The following LOC128462377 variants were observed in gnomAD, a reference collection of about 807,000 sequenced individuals.
At chr16:89,361,240 C>T in the LOC128462377 span, among the ~76,000 whole-genome samples, 4 of 152,218 alleles carry the variant, frequency 2.6e-5, no homozygotes, top group Non-Finnish European at 5.9e-5. Flanking sequence ...CCTTCTTCCT[C>T]CCGCAGAGGG....
the LOC128462377 span, chr16:89,320,231 T>C: frequency 6.6e-6 from 1 of 152,244 alleles, no homozygotes; most frequent in African/African-American, 2.4e-5. Flanking sequence ...CTCATCACGA[T>C]GCTGCACAGC....
At chr16:89,360,981 C>G in the LOC128462377 span, among the ~76,000 whole-genome samples, 49 of 152,320 alleles carry the variant, frequency 3.2e-4, no homozygotes, top group South Asian at 1.0e-2. Context: ...CCTTGTCTCT[C>G]ACATCCAGAT....
At chr16:89,352,029 G>C in the LOC128462377 span, among the ~76,000 whole-genome samples, 1 of 152,080 alleles carries the variant, frequency 6.6e-6, no homozygotes, top group African/African-American at 2.4e-5. Context: ...TCACGCCTCC[G>C]CTGAAATGAC....
At chr16:89,406,369 C>T in the LOC128462377 span, among the ~76,000 whole-genome samples, 83 of 152,162 alleles carry the variant, frequency 5.5e-4, no homozygotes, top group Non-Finnish European at 1.0e-3. Flanking sequence ...GCCTCGGCCA[C>T]ACTCCTGAGG....
At chr16:89,335,467 C>T in the LOC128462377 span, among the ~76,000 whole-genome samples, 932 of 152,308 alleles carry the variant, frequency 6.1e-3, 15 homozygotes, top group African/African-American at 0.021. Flanking sequence ...CCACCTAGCA[C>T]GCAGTACGCA....
chr16:89,344,243 G>T, the LOC128462377 span, among the ~76,000 whole-genome samples: 9 of 152,288 alleles, frequency 5.9e-5, no homozygotes, highest in East Asian at 1.7e-3. Flanking sequence ...CATCTGCACG[G>T]TGCTTTACTT....
chr16:89,354,840 T>C, the LOC128462377 span, among the ~76,000 whole-genome samples: 2 of 151,234 alleles, frequency 1.3e-5, no homozygotes, highest in Admixed American at 6.6e-5. Flanking sequence ...TGAGCCGAGA[T>C]CACACCTCTG....
At chr16:89,418,220 G>A in the LOC128462377 span, 2 of 448,116 alleles carry the variant, frequency 4.5e-6, 1 homozygote, top group South Asian at 3.1e-5. Flanking sequence ...GCATTATTTT[G>A]ATACTTATTT....
the LOC128462377 span, among the ~76,000 whole-genome samples, chr16:89,329,906 T>C: frequency 6.6e-6 from 1 of 151,958 alleles, no homozygotes; most frequent in African/African-American, 2.4e-5. Context: ...CTTGGGAGGC[T>C]GAGGCACTGG....
At chr16:89,319,413 G>T in the LOC128462377 span, among the ~76,000 whole-genome samples, 2 of 152,200 alleles carry the variant, frequency 1.3e-5, no homozygotes, top group Non-Finnish European at 1.5e-5. Context: ...TACTTTTCAC[G>T]GCCTGCATCA....
chr16:89,362,274 C>T, the LOC128462377 span, among the ~76,000 whole-genome samples: 1 of 152,232 alleles, frequency 6.6e-6, no homozygotes, highest in Non-Finnish European at 1.5e-5. Flanking sequence ...GCGTAAGCAG[C>T]TCCCACTGCT....
the LOC128462377 span, among the ~76,000 whole-genome samples, chr16:89,399,522 T>C: frequency 6.6e-6 from 1 of 152,026 alleles, no homozygotes; most frequent in South Asian, 2.1e-4. Context: ...GACGGAGGGA[T>C]GTGCAGCAGG....
At chr16:89,401,015 C>CCG in the LOC128462377 span, among the ~76,000 whole-genome samples, 4 of 152,210 alleles carry the variant, frequency 2.6e-5, no homozygotes, top group African/African-American at 9.6e-5. Context: ...AAGGGAGGCC[C>CCG]CGCGTGTGGG....
the LOC128462377 span, among the ~76,000 whole-genome samples, chr16:89,391,790 G>C: frequency 6.6e-6 from 1 of 152,148 alleles, no homozygotes; most frequent in Admixed American, 6.5e-5. Flanking sequence ...AAAATAAATA[G>C]TAACTTCTCT....
At chr16:89,359,029 TTA>T in the LOC128462377 span, among the ~76,000 whole-genome samples, 2 of 152,262 alleles carry the variant, frequency 1.3e-5, no homozygotes, top group South Asian at 2.1e-4. Flanking sequence ...TATACATTTC[TTA>T]TATATGTCTA....
At chr16:89,334,159 A>C in the LOC128462377 span, among the ~76,000 whole-genome samples, 1 of 141,160 alleles carries the variant, frequency 7.1e-6, no homozygotes. Flanking sequence ...AAAAAAAAAA[A>C]AAAAAAAAAA....
the LOC128462377 span, among the ~76,000 whole-genome samples, chr16:89,347,670 T>C: frequency 1.3e-5 from 2 of 152,042 alleles, no homozygotes; most frequent in Non-Finnish European, 2.9e-5. Context: ...TTACATTCTA[T>C]TTCTCCTTAT....
chr16:89,408,558 GGCTGACGAGCGTGA>G, the LOC128462377 span, among the ~76,000 whole-genome samples: 19 of 152,346 alleles, frequency 1.2e-4, no homozygotes, highest in African/African-American at 3.8e-4. Context: ...CCAGTGCCCA[GGCTGACGAGCGTGA>G]GCACTGCCCC....
the LOC128462377 span, among the ~76,000 whole-genome samples, chr16:89,413,944 G>A: frequency 6.6e-6 from 1 of 152,132 alleles, no homozygotes; most frequent in Non-Finnish European, 1.5e-5. Flanking sequence ...TGGCCACCCA[G>A]ACAGGGACCC....
Sources: gnomAD v4.1 joint callset for allele counts (sites outside exome capture counted in the v4.1 genomes callset) on GRCh38, gnomAD v4.1.1 for gene constraint, MANE v1.5 for transcripts.